The following OSBP2 variants were observed in gnomAD, a reference collection of about 807,000 sequenced individuals.
OSBP2 encodes oxysterol-binding protein 2.
A neutral mutation model predicts 96.0 loss-of-function variants in OSBP2; 66 were observed. That is an observed-to-expected ratio of 0.69 (90% CI 0.56 to 0.84). OSBP2 has a LOEUF of 0.84. OSBP2 is among the 40% of genes least tolerant of loss of function. The pLI is 0.00. For synonymous variants in OSBP2, 525 were observed against 520.9 expected, an observed-to-expected ratio of 1.01 and a Z score of -0.11; for missense variants, 1,038 against 1,222.7, an observed-to-expected ratio of 0.85 and a Z score of 2.25.
intron 2 of OSBP2, among the ~76,000 whole-genome samples, chr22:30,836,054 C>A (rs75494468): frequency 0.1 from 15,334 of 152,160 alleles, 847 homozygotes; most frequent in African/African-American, 0.13. Flanking sequence ...AACCAAGTAG[C>A]TCAGTGCTAT....
chr22:30,746,823 G>C (rs1232183371), intron 2 of OSBP2, among the ~76,000 whole-genome samples: 1 of 152,076 alleles, frequency 6.6e-6, no homozygotes, highest in Non-Finnish European at 1.5e-5. Context: ...CTAATTTTAT[G>C]AGGCCAGCCC....
At chr22:30,836,159 G>A (rs60486108) in intron 2 of OSBP2, among the ~76,000 whole-genome samples, 14 of 152,092 alleles carry the variant, frequency 9.2e-5, no homozygotes, top group Non-Finnish European at 1.6e-4. Flanking sequence ...TGGGGTGCTC[G>A]CTCTCATTTC....
intron 2 of OSBP2, among the ~76,000 whole-genome samples, chr22:30,824,076 C>T (rs2038343287): frequency 6.6e-6 from 1 of 152,194 alleles, no homozygotes; most frequent in African/African-American, 2.4e-5. Flanking sequence ...TGTCTGCTAG[C>T]ACTTGGCTTG....
intron 12 of OSBP2, among the ~76,000 whole-genome samples, chr22:30,901,007 G>T (rs544260681): frequency 6.6e-6 from 1 of 152,226 alleles, no homozygotes; most frequent in South Asian, 2.1e-4. Flanking sequence ...CTTGACAGAG[G>T]ATTATTATCA....
intron 3 of OSBP2, among the ~76,000 whole-genome samples, chr22:30,875,718 C>T (rs776629111): frequency 1.3e-5 from 2 of 152,170 alleles, no homozygotes; most frequent in East Asian, 1.9e-4. Flanking sequence ...ACTTTGTGGG[C>T]CTTGGAAGGA....
At chr22:30,733,592 C>A (rs137892535) in intron 1 of OSBP2, among the ~76,000 whole-genome samples, 1 of 152,124 alleles carries the variant, frequency 6.6e-6, no homozygotes, top group Non-Finnish European at 1.5e-5. Context: ...AATGCAGGGG[C>A]GACTTGGCTT....
intron 2 of OSBP2, among the ~76,000 whole-genome samples, chr22:30,747,760 C>T (rs963134581): frequency 6.6e-6 from 1 of 152,202 alleles, no homozygotes; most frequent in Non-Finnish European, 1.5e-5. Context: ...TGACTGGTGT[C>T]CCATCTTCGG....
intron 12 of OSBP2, among the ~76,000 whole-genome samples, chr22:30,904,504 C>T (rs1310970141): frequency 2.0e-5 from 3 of 152,148 alleles, no homozygotes; most frequent in Admixed American, 2.0e-4. Context: ...ATTCCAAACA[C>T]AACACATTCA....
chr22:30,702,261 C>T (rs1299124355), intron 1 of OSBP2, among the ~76,000 whole-genome samples: 1 of 152,184 alleles, frequency 6.6e-6, no homozygotes, highest in Non-Finnish European at 1.5e-5. Context: ...TGCTGTGGTG[C>T]TAGTGTCCCA....
intron 2 of OSBP2, among the ~76,000 whole-genome samples, chr22:30,826,724 G>A (rs1173012441): frequency 6.6e-6 from 1 of 152,230 alleles, no homozygotes; most frequent in African/African-American, 2.4e-5. Context: ...CCGCCTGGAA[G>A]TGAACAATGG....
intron 1 of OSBP2, among the ~76,000 whole-genome samples, chr22:30,728,301 A>G (rs1383162718): frequency 6.6e-6 from 1 of 151,270 alleles, no homozygotes; most frequent in African/African-American, 2.4e-5. Flanking sequence ...AGGCTGAGGT[A>G]GGAGAATGGC....
At chr22:30,717,090 T>TTGTGTG (rs35377469) in intron 1 of OSBP2, among the ~76,000 whole-genome samples, 4,183 of 118,292 alleles carry the variant, frequency 0.035, 118 homozygotes, top group Non-Finnish European at 0.048. Flanking sequence ...TTTACTGTTT[T>TTGTGTG]TGTGTGTGTG....
chr22:30,819,202 G>A, intron 2 of OSBP2, among the ~76,000 whole-genome samples: 1 of 152,198 alleles, frequency 6.6e-6, no homozygotes, highest in East Asian at 1.9e-4. Flanking sequence ...GGGCGTGGTG[G>A]TGCATGCCTA....
At chr22:30,704,642 T>C (rs1183246942) in intron 1 of OSBP2, among the ~76,000 whole-genome samples, 1 of 152,032 alleles carries the variant, frequency 6.6e-6, no homozygotes, top group Non-Finnish European at 1.5e-5. Flanking sequence ...ATTTTTGTAT[T>C]TTTAATAGAG....
chr22:30,856,668 T>C (rs1028444586), intron 2 of OSBP2, among the ~76,000 whole-genome samples: 2 of 152,044 alleles, frequency 1.3e-5, no homozygotes, highest in Non-Finnish European at 2.9e-5. Context: ...ATTACAGGCA[T>C]GAGCCACCAT....
At chr22:30,862,483 C>G (rs1263733266) in intron 2 of OSBP2, among the ~76,000 whole-genome samples, 1 of 152,120 alleles carries the variant, frequency 6.6e-6, no homozygotes, top group East Asian at 1.9e-4. Flanking sequence ...AGTTCAAGAC[C>G]AGCCTGGCCA....
rs9621111 is a variant in OSBP2 at position 30,838,303 on chromosome 22, C to G, written c.854-32126C>G. Among the ~76,000 whole-genome samples the G allele has an allele frequency of 4.3e-3, 651 of 152,212 alleles. 5 individuals carry two copies. The highest frequency in any genetic ancestry group is 0.015 in the African/African-American group (612 of 41,520). On this transcript the variant is annotated intron_variant, in intron 2 of 13. Transcript: ENST00000332585. ...CAACTTGTGTTCCAGTGTTTGGAGT[C>G]CCTGGGGATGTGATTGCATAATACT...
At chr22:30,794,262 A>ATTTTTTT (rs136291) in intron 2 of OSBP2, among the ~76,000 whole-genome samples, 1 of 134,904 alleles carries the variant, frequency 7.4e-6, no homozygotes, top group Non-Finnish European at 1.6e-5. Context: ...TCCTCTATTC[A>ATTTTTTT]TTTTTTTTTT....
intron 1 of OSBP2, among the ~76,000 whole-genome samples, chr22:30,699,183 G>A (rs556885051): frequency 2.0e-5 from 3 of 152,076 alleles, no homozygotes; most frequent in Admixed American, 2.0e-4. Flanking sequence ...GGCCTCAAGT[G>A]ATCCACCCCC....
Sources: gnomAD v4.1 joint callset for allele counts (sites outside exome capture counted in the v4.1 genomes callset) on GRCh38, gnomAD v4.1.1 for gene constraint, MANE v1.5 for transcripts, NCBI Gene and HGNC (gene_info 2026-07-23, HGNC 2026-07-21) for gene names.